The following ARHGAP28 variants were observed in gnomAD, a reference collection of about 807,000 sequenced individuals.
ARHGAP28 encodes Rho GTPase activating protein 28.
A neutral mutation model predicts 90.7 loss-of-function variants in ARHGAP28; 56 were observed. The ratio of observed to expected loss-of-function variants is 0.62; its 90% CI spans 0.50 to 0.77. The LOEUF (loss-of-function observed/expected upper bound fraction) is 0.77, where lower values mean the gene tolerates loss of function less well. Ranked by LOEUF, ARHGAP28 falls within the 30% of genes least tolerant of loss-of-function variation. The pLI, the probability that ARHGAP28 is intolerant of heterozygous loss-of-function variation, is 0.00. For missense variants in ARHGAP28, 869 were observed against 900.9 expected, an observed-to-expected ratio of 0.96 and a Z score of 0.45; for synonymous variants, 308 against 323.3, an observed-to-expected ratio of 0.95 and a Z score of 0.51.
At chr18:6,868,330 T>A in intron 6 of ARHGAP28, 96 bp downstream of exon 6, 1 of 1,072,752 alleles carries the variant, frequency 9.3e-7, no homozygotes, top group South Asian at 1.5e-5. Context: ...AAGCGAAGTA[T>A]AAGTGTGCTT....
At chr18:6,812,353 CA>C (rs2143695048) in intron 1 of ARHGAP28, among the ~76,000 whole-genome samples, 1 of 152,232 alleles carries the variant, frequency 6.6e-6, no homozygotes, top group South Asian at 2.1e-4. Context: ...AAGTGAAATG[CA>C]AGATCTTATT....
intron 16 of ARHGAP28, among the ~76,000 whole-genome samples, chr18:6,905,091 C>CA (rs922685413): frequency 1.5e-4 from 22 of 149,800 alleles, no homozygotes; most frequent in Admixed American, 4.0e-4. Flanking sequence ...ACCCTGATAC[C>CA]AAAAAAAAGC....
intron 1 of ARHGAP28, among the ~76,000 whole-genome samples, chr18:6,780,519 G>A (rs1157167201): frequency 6.6e-6 from 1 of 152,016 alleles, no homozygotes; most frequent in Admixed American, 6.5e-5. Flanking sequence ...GTTGTGGGGA[G>A]GGGTATGGAA....
In ARHGAP28 at chr18:6,807,183, T is replaced by C. The variant is rs551056034; in HGVS notation, c.123-17579T>C. The stretch of plus-strand genomic sequence containing the variant: ...GTTAGGGTGTTTAGAAAATTTTCTT[T>C]GTGTTTTCTTAAGATGTCAGTATTT... On this transcript the variant is annotated intron_variant, in intron 1 of 17. Coordinates refer to ENST00000383472, the MANE Select transcript of ARHGAP28 (RefSeq NM_001366230.1). 3.3e-5 allele frequency among the ~76,000 whole-genome samples: 5 copies of C among 152,312 alleles called. No homozygotes were observed. In the East Asian group the frequency reaches 9.7e-4, roughly 29 times the overall value.
intron 2 of ARHGAP28, among the ~76,000 whole-genome samples, chr18:6,826,495 AAT>A (rs1684169904): frequency 6.6e-6 from 1 of 151,306 alleles, no homozygotes; most frequent in Non-Finnish European, 1.5e-5. Flanking sequence ...TTTTAATTAA[AAT>A]AGAGTTTATA....
intron 3 of ARHGAP28, 138 bp from the exon 4 acceptor site, chr18:6,850,896 C>T: frequency 3.9e-6 from 6 of 1,524,820 alleles, no homozygotes; most frequent in Non-Finnish European, 4.4e-6. Flanking sequence ...GTTATCAATG[C>T]CCAGGTAGTC....
intron 1 of ARHGAP28, among the ~76,000 whole-genome samples, chr18:6,771,211 A>AT (rs539879151): frequency 7.9e-5 from 12 of 151,690 alleles, no homozygotes; most frequent in South Asian, 2.1e-4. Flanking sequence ...TAATTTTTAG[A>AT]TTTTTTTGTA....
intron 1 of ARHGAP28, among the ~76,000 whole-genome samples, chr18:6,776,399 A>G (rs1408632348): frequency 6.6e-6 from 1 of 152,234 alleles, no homozygotes. Flanking sequence ...CAGTTCAGTC[A>G]AGATGTACAG....
intron 4 of ARHGAP28, among the ~76,000 whole-genome samples, chr18:6,859,148 A>C (rs1170490954): frequency 6.6e-6 from 1 of 152,214 alleles, no homozygotes; most frequent in Admixed American, 6.5e-5. Context: ...TACAAAAAAC[A>C]GTCATAGAAT....
At chr18:6,823,040 T>G (rs1158134786) in intron 1 of ARHGAP28, among the ~76,000 whole-genome samples, 1 of 152,204 alleles carries the variant, frequency 6.6e-6, no homozygotes, top group African/African-American at 2.4e-5. Context: ...TAGTTACCTC[T>G]TTCCACCTGG....
chr18:6,782,415 AATT>A (rs1216660762), intron 1 of ARHGAP28, among the ~76,000 whole-genome samples: 2 of 151,416 alleles, frequency 1.3e-5, no homozygotes, highest in African/African-American at 4.8e-5. Context: ...TCAAGACATT[AATT>A]ATTATTATTA....
chr18:6,762,056 G>C (rs4077790), intron 1 of ARHGAP28, among the ~76,000 whole-genome samples: 64,658 of 151,976 alleles, frequency 0.43, 14,929 homozygotes, highest in East Asian at 0.85. Flanking sequence ...GGTAGCATAG[G>C]GATCATTCTC....
chr18:6,893,937 G>A lies in ARHGAP28; in HGVS notation c.1849-898G>A, dbSNP rs148803251. ...GCTGGAGTGCAGTGGCGCGATCTCG[G>A]CTCGCTGCAACCTCCACATCCTGGG... On this transcript the variant is annotated intron_variant, in intron 14 of 17. Transcript: ENST00000383472. Among the ~76,000 whole-genome samples, 13 of 149,950 alleles carry A rather than the reference G, an allele frequency of 8.7e-5. No individual in the cohort carries two copies. The East Asian group carries it at 2.6e-3, about 30-fold the overall frequency.
intron 1 of ARHGAP28, among the ~76,000 whole-genome samples, chr18:6,770,038 G>T (rs923195760): frequency 1.3e-5 from 2 of 152,150 alleles, no homozygotes; most frequent in Non-Finnish European, 1.5e-5. Context: ...GGAATCAGCT[G>T]GTAGGAAATT....
chr18:6,795,361 C>T (rs762071698), intron 1 of ARHGAP28, among the ~76,000 whole-genome samples: 6 of 152,006 alleles, frequency 3.9e-5, no homozygotes, highest in Non-Finnish European at 5.9e-5. Flanking sequence ...TAATAGTCAC[C>T]CTTCCTCGGG....
chr18:6,909,279 T>G lies in ARHGAP28; in HGVS notation c.2095+255T>G, dbSNP rs946249404. 5.5e-5 allele frequency among the ~76,000 whole-genome samples: 3 copies of G among 54,366 alleles called. No homozygotes were observed. In the South Asian group the frequency reaches 1.4e-3, roughly 25 times the overall value. 35.7% of individuals were successfully genotyped at this position (54,366 alleles called of 152,430 possible). A position where few individuals can be genotyped will look rare whatever the true frequency, so the allele number is the denominator to read the frequency against. On this transcript the variant is annotated intron_variant, in intron 17 of 17. Transcript: ENST00000383472. The stretch of plus-strand genomic sequence containing the variant: ...TCTTTTCTTTTCTTTTCTTTGCTTT[T>G]CTTTTCTTTTCTTTTCTTTTCTTTT...
chr18:6,832,528 A>T (rs968855954), intron 2 of ARHGAP28, among the ~76,000 whole-genome samples: 1 of 151,692 alleles, frequency 6.6e-6, no homozygotes, highest in Non-Finnish European at 1.5e-5. Context: ...GTATTTGTCT[A>T]TTTTTTCCTT....
chr18:6,807,946 G>T (rs1254405421), intron 1 of ARHGAP28, among the ~76,000 whole-genome samples: 1 of 152,304 alleles, frequency 6.6e-6, no homozygotes, highest in African/African-American at 2.4e-5. Context: ...CTATTGTAGG[G>T]CTCAACTTGT....
chr18:6,873,376 A>C, intron 7 of ARHGAP28, 33 bp from the exon 8 acceptor site: 1 of 1,581,228 alleles, frequency 6.3e-7, no homozygotes, highest in Non-Finnish European at 8.6e-7. Flanking sequence ...TTCCTTTGCC[A>C]TAAAAAATAA....
Sources: allele counts gnomAD v4.1 joint callset (sites outside exome capture counted in the v4.1 genomes callset), GRCh38; gene constraint gnomAD v4.1.1; transcripts MANE v1.5; gene names NCBI Gene and HGNC (gene_info 2026-07-23, HGNC 2026-07-21).